The following LRRTM4 variants were observed in gnomAD, a reference collection of about 807,000 sequenced individuals.
The protein encoded by LRRTM4 is leucine-rich repeat transmembrane neuronal protein 4.
LRRTM4 carries 25 observed loss-of-function variants against 47.6 expected under a neutral mutation model. That is an observed-to-expected ratio of 0.53 (90% CI 0.38 to 0.73). The LOEUF (loss-of-function observed/expected upper bound fraction) is 0.73. Ranked by LOEUF, LRRTM4 falls within the 30% of genes least tolerant of loss-of-function variation. The pLI is 0.00. For synonymous variants in LRRTM4, 311 were observed against 269.5 expected (o/e 1.15, Z -1.51); for missense variants, 638 against 713.4 (o/e 0.89, Z 1.20).
chr2:77,280,256 A>G (rs1048246661), intron 3 of LRRTM4, among the ~76,000 whole-genome samples: 1 of 152,012 alleles, frequency 6.6e-6, no homozygotes, highest in South Asian at 2.1e-4. Context: ...AAAAGGAAAT[A>G]AATCAGATTG....
intron 3 of LRRTM4, among the ~76,000 whole-genome samples, chr2:77,221,459 C>A (rs1204829426): frequency 2.0e-5 from 3 of 152,036 alleles, no homozygotes; most frequent in Admixed American, 6.5e-5. Context: ...TTCAGGAAAC[C>A]CATCTCACAT....
At chr2:76,922,477 C>A (rs984916491) in intron 3 of LRRTM4, among the ~76,000 whole-genome samples, 3 of 152,044 alleles carry the variant, frequency 2.0e-5, no homozygotes, top group African/African-American at 7.2e-5. Flanking sequence ...AATCATCCCC[C>A]CACCAGACCC....
intron 3 of LRRTM4, among the ~76,000 whole-genome samples, chr2:77,375,350 C>T (rs747317230): frequency 2.0e-5 from 3 of 151,642 alleles, no homozygotes; most frequent in Admixed American, 6.6e-5. Context: ...GCACCATACC[C>T]GTGTAACTAT....
chr2:77,406,157 T>C (rs953196065), intron 3 of LRRTM4, among the ~76,000 whole-genome samples: 1 of 151,468 alleles, frequency 6.6e-6, no homozygotes, highest in African/African-American at 2.4e-5. Flanking sequence ...GGGAGGAGAG[T>C]GGCAGATGAC....
At chr2:76,914,086 A>G (rs1022297570) in intron 3 of LRRTM4, among the ~76,000 whole-genome samples, 4 of 152,016 alleles carry the variant, frequency 2.6e-5, no homozygotes, top group African/African-American at 9.6e-5. Flanking sequence ...TTATATAACT[A>G]TCTTTTACTG....
chr2:76,834,681 T>G (rs1404528259), intron 3 of LRRTM4, among the ~76,000 whole-genome samples: 2 of 152,106 alleles, frequency 1.3e-5, no homozygotes, highest in Non-Finnish European at 2.9e-5. Context: ...AGCTAAGATT[T>G]GTGAGAATAT....
At chr2:77,256,027 C>A (rs1010139230) in intron 3 of LRRTM4, among the ~76,000 whole-genome samples, 1 of 151,884 alleles carries the variant, frequency 6.6e-6, no homozygotes, top group Non-Finnish European at 1.5e-5. Context: ...TCTAGTTTAA[C>A]AGCCGAGAGA....
At chr2:77,224,102 A>G (rs1674730032) in intron 3 of LRRTM4, among the ~76,000 whole-genome samples, 1 of 151,500 alleles carries the variant, frequency 6.6e-6, no homozygotes, top group Non-Finnish European at 1.5e-5. Flanking sequence ...AAAAACAAGC[A>G]ATGGGGAAAG....
At chr2:77,301,274 T>C (rs1677127389) in intron 3 of LRRTM4, among the ~76,000 whole-genome samples, 1 of 152,128 alleles carries the variant, frequency 6.6e-6, no homozygotes, top group Admixed American at 6.5e-5. Context: ...ATTTGTTATT[T>C]TGAGTTTATC....
chr2:77,482,465 C>A (rs1300379100), intron 3 of LRRTM4, among the ~76,000 whole-genome samples: 2 of 151,886 alleles, frequency 1.3e-5, no homozygotes, highest in African/African-American at 2.4e-5. Flanking sequence ...CACACAGAGA[C>A]CTGTGATTAA....
chr2:77,015,805 A>G (rs187820038), intron 3 of LRRTM4, among the ~76,000 whole-genome samples: 1 of 152,244 alleles, frequency 6.6e-6, no homozygotes, highest in East Asian at 1.9e-4. Flanking sequence ...ACCAAGGAGG[A>G]TAAGAGAACA....
At chr2:77,114,744 G>A (rs1671341538) in intron 3 of LRRTM4, among the ~76,000 whole-genome samples, 2 of 152,158 alleles carry the variant, frequency 1.3e-5, no homozygotes, top group Admixed American at 6.5e-5. Context: ...GACCATGATG[G>A]TGACCCCGAG....
intron 3 of LRRTM4, among the ~76,000 whole-genome samples, chr2:76,819,611 G>C (rs992711136): frequency 1.3e-5 from 2 of 151,710 alleles, no homozygotes; most frequent in African/African-American, 4.8e-5. Context: ...AATAAAATTG[G>C]AAATCAAAGA....
chr2:77,333,533 G>A (rs1412297741), intron 3 of LRRTM4, among the ~76,000 whole-genome samples: 1 of 152,168 alleles, frequency 6.6e-6, no homozygotes, highest in African/African-American at 2.4e-5. Flanking sequence ...GTCCTAGGGT[G>A]CAAGCCCCAA....
At position 77,207,372 on chromosome 2, in the gene LRRTM4, T is replaced by TATATATATACACACAC. The variant is rs59335400; in HGVS notation, c.1551+310945_1551+310946insGTGTGTGTATATATAT. Among the ~76,000 whole-genome samples the TATATATATACACACAC allele has an allele frequency of 4.8e-3, 633 of 130,956 alleles. 4 individuals are homozygous for TATATATATACACACAC. The highest frequency in any genetic ancestry group is 8.4e-3 in the East Asian group (31 of 3,698). The allele number at this position is 130,956 out of a possible 152,430, so 85.9% of individuals were successfully genotyped here. A position where few individuals can be genotyped will look rare whatever the true frequency, so the allele number is the denominator to read the frequency against. On this transcript the variant is annotated intron_variant, in intron 3 of 3. Coordinates refer to ENST00000409884, the MANE Select transcript of LRRTM4 (RefSeq NM_001134745.3). ...GTGTATATATATATATATATATATATACACACACACATATTTATATACACA... is the reference window on the plus strand; with the variant it reads ...GTGTATATATATATATATATATATATATATATATACACACACACACACACACATATTTATATACACA...
chr2:77,243,062 C>T (rs1675313417), intron 3 of LRRTM4, among the ~76,000 whole-genome samples: 2 of 152,106 alleles, frequency 1.3e-5, no homozygotes, highest in Non-Finnish European at 2.9e-5. Context: ...CTAACACATG[C>T]TACAACATGG....
Position 77,519,869 on chromosome 2 carries a change from G to A in LRRTM4, c.5-5C>T, listed in dbSNP as rs767906620. The A allele has an allele frequency of 1.9e-5, 30 of 1,568,468 alleles. No individual in the cohort carries two copies. The highest frequency in any genetic ancestry group is 2.5e-5 in the Non-Finnish European group (29 of 1,157,808). ...GCTGCGTAATTAAATGGAAACCTAC[G>A]ATATTAAAAAAAAGACAGATGCACA... On this transcript the variant is annotated splice_region_variant and splice_polypyrimidine_tract_variant and intron_variant, in intron 2 of 3. Transcript: ENST00000409884. The surrounding 1 kb of genome is among the most constrained non-coding windows in gnomAD (Gnocchi z 4.6).
At chr2:77,062,018 A>T (rs1679803293) in intron 3 of LRRTM4, among the ~76,000 whole-genome samples, 1 of 152,204 alleles carries the variant, frequency 6.6e-6, no homozygotes, top group South Asian at 2.1e-4. Flanking sequence ...GAAAATAGCT[A>T]ATGTTCCAGA....
intron 3 of LRRTM4, among the ~76,000 whole-genome samples, chr2:77,203,283 G>A (rs1018747106): frequency 1.3e-5 from 2 of 151,910 alleles, no homozygotes; most frequent in African/African-American, 2.4e-5. Flanking sequence ...GTCCCTAAAC[G>A]GCAAAAACAA....
Sources: gnomAD v4.1 joint callset for allele counts (sites outside exome capture counted in the v4.1 genomes callset) on GRCh38, gnomAD v4.1.1 for gene constraint, Gnocchi (gnomAD v3.1) non-coding constraint, MANE v1.5 for transcripts, NCBI Gene and HGNC (gene_info 2026-07-23, HGNC 2026-07-21) for gene names.